Variants in SLC25A21 observed in about 807,000 individuals in gnomAD.
SLC25A21 encodes solute carrier family 25 member 21.
Under a neutral mutation model 43.8 loss-of-function variants are expected in SLC25A21, and 47 were observed. The observed-to-expected ratio is 1.07, with a 90% CI of 0.85 to 1.37. SLC25A21 has a LOEUF of 1.37. Ranked by LOEUF, SLC25A21 falls within the 40% of genes most tolerant of loss-of-function variation. The pLI is 0.00. For missense variants in SLC25A21, 352 were observed against 350.2 expected (o/e 1.00, Z -0.04); for synonymous variants, 131 against 121.3 (o/e 1.08, Z -0.52).
In SLC25A21 at chr14:36,813,918, C is replaced by A. The variant is rs141677993; in HGVS notation, c.203G>T (p.Gly68Val). The change falls in exon 3 of 10, where the codon GGG becomes GTG. Residue 68 changes from glycine to valine, a missense_variant and splice_region_variant. Physicochemically the swap from Gly to Val is moderately radical, Grantham distance 109. Coordinates refer to ENST00000331299, the MANE Select transcript of SLC25A21 (RefSeq NM_030631.4). ...DSFRMIFQME[G>V]LFGFYKGILP... Reference sequence around the variant, plus strand: ...ATGGCTATATGAAGAATATACATACCCTTCCATTTGGAAAATCATTCGAAA... The same window carrying A: ...ATGGCTATATGAAGAATATACATACACTTCCATTTGGAAAATCATTCGAAA... The A allele has an allele frequency of 5.1e-6, 8 of 1,576,860 alleles. No homozygotes were observed. Among genetic ancestry groups the A allele is most frequent in the Non-Finnish European group, 6.9e-6 (8 of 1,151,294 alleles).
intron 1 of SLC25A21, among the ~76,000 whole-genome samples, chr14:37,113,955 T>C (rs577585457): frequency 1.2e-4 from 18 of 152,314 alleles, no homozygotes; most frequent in Non-Finnish European, 2.1e-4. Flanking sequence ...AAGCTATTTT[T>C]GAGTCTACCA....
intron 1 of SLC25A21, among the ~76,000 whole-genome samples, chr14:37,015,087 A>T (rs568054298): frequency 6.6e-6 from 1 of 152,050 alleles, no homozygotes; most frequent in Non-Finnish European, 1.5e-5. Context: ...CATGTGCACA[A>T]CGTGCAGGTT....
intron 1 of SLC25A21, among the ~76,000 whole-genome samples, chr14:37,072,275 A>G (rs538709469): frequency 6.6e-6 from 1 of 152,192 alleles, no homozygotes; most frequent in South Asian, 2.1e-4. Context: ...TCAATCTCAA[A>G]TTCTGAGAGG....
chr14:36,983,445 C>A (rs1960075477), intron 1 of SLC25A21, among the ~76,000 whole-genome samples: 1 of 137,784 alleles, frequency 7.3e-6, no homozygotes, highest in African/African-American at 3.1e-5. Flanking sequence ...GAAGCTTCTA[C>A]TTTTCTTACC....
intron 1 of SLC25A21, among the ~76,000 whole-genome samples, chr14:36,924,558 G>T (rs1482270023): frequency 6.6e-6 from 1 of 152,020 alleles, no homozygotes; most frequent in Admixed American, 6.6e-5. Flanking sequence ...GATAGCATTA[G>T]GAGATATACC....
intron 1 of SLC25A21, among the ~76,000 whole-genome samples, chr14:36,955,558 C>T (rs1286767491): frequency 6.6e-6 from 1 of 152,086 alleles, no homozygotes; most frequent in East Asian, 1.9e-4. Flanking sequence ...GCCACAGGCA[C>T]TGCTAGTAGC....
At chr14:36,887,389 C>T (rs1322872012) in intron 1 of SLC25A21, among the ~76,000 whole-genome samples, 4 of 151,812 alleles carry the variant, frequency 2.6e-5, no homozygotes, top group Admixed American at 2.6e-4. Flanking sequence ...ATGGTGAAAT[C>T]CCATCTCTAC....
chr14:36,720,318 A>G (rs1389956183), intron 6 of SLC25A21, among the ~76,000 whole-genome samples: 1 of 152,216 alleles, frequency 6.6e-6, no homozygotes, highest in East Asian at 1.9e-4. Context: ...TTTCATGTCT[A>G]AAAGACCCCA....
At chr14:37,029,291 G>A (rs2138765354) in intron 1 of SLC25A21, among the ~76,000 whole-genome samples, 1 of 152,270 alleles carries the variant, frequency 6.6e-6, no homozygotes, top group South Asian at 2.1e-4. Flanking sequence ...TAGAGCACAT[G>A]AAGCCAGTCT....
chr14:36,840,133 C>T (rs1414589548), intron 2 of SLC25A21, among the ~76,000 whole-genome samples: 1 of 152,228 alleles, frequency 6.6e-6, no homozygotes, highest in Middle Eastern at 3.4e-3. Flanking sequence ...GAACTAACTC[C>T]CGGAGAACAT....
At chr14:37,054,993 T>G (rs1006021610) in intron 1 of SLC25A21, among the ~76,000 whole-genome samples, 1 of 152,192 alleles carries the variant, frequency 6.6e-6, no homozygotes, top group African/African-American at 2.4e-5. Context: ...AACCAGTGAC[T>G]TCTGCCCAGC....
At chr14:36,926,277 A>C (rs560946537) in intron 1 of SLC25A21, among the ~76,000 whole-genome samples, 1 of 152,218 alleles carries the variant, frequency 6.6e-6, no homozygotes, top group Non-Finnish European at 1.5e-5. Context: ...CCAAAGAATA[A>C]ATCATAGTGG....
At chr14:36,979,490 T>C (rs1364074853) in intron 1 of SLC25A21, among the ~76,000 whole-genome samples, 1 of 151,982 alleles carries the variant, frequency 6.6e-6, no homozygotes, top group Admixed American at 6.6e-5. Flanking sequence ...CAAGTAGCTG[T>C]GACTACCGGT....
intron 1 of SLC25A21, among the ~76,000 whole-genome samples, chr14:37,115,726 G>A (rs1488987483): frequency 6.6e-6 from 1 of 152,108 alleles, no homozygotes; most frequent in Admixed American, 6.5e-5. Context: ...TATTCACAAG[G>A]CTAAAATACT....
chr14:37,147,653 A>G (rs897882954), intron 1 of SLC25A21, among the ~76,000 whole-genome samples: 3 of 151,068 alleles, frequency 2.0e-5, no homozygotes, highest in African/African-American at 7.3e-5. Flanking sequence ...TTTTTTTAAA[A>G]AAAAGGAAGA....
At chr14:36,825,328 C>T (rs563167245) in intron 2 of SLC25A21, among the ~76,000 whole-genome samples, 35 of 152,250 alleles carry the variant, frequency 2.3e-4, no homozygotes, top group Non-Finnish European at 4.9e-4. Context: ...ATGTCATGAA[C>T]GCATACTCAA....
chr14:36,708,907 G>A (rs1883703249), intron 7 of SLC25A21, among the ~76,000 whole-genome samples: 1 of 151,806 alleles, frequency 6.6e-6, no homozygotes, highest in Non-Finnish European at 1.5e-5. Context: ...AAACAATTGA[G>A]AACATTTAAT....
chr14:37,093,261 A>T (rs146262383), intron 1 of SLC25A21, among the ~76,000 whole-genome samples: 1 of 152,342 alleles, frequency 6.6e-6, no homozygotes, highest in East Asian at 1.9e-4. Context: ...TAGTTTATCA[A>T]ATAAAATTAC....
At chr14:37,132,445 A>C (rs1181911743) in intron 1 of SLC25A21, among the ~76,000 whole-genome samples, 2 of 152,140 alleles carry the variant, frequency 1.3e-5, no homozygotes, top group Non-Finnish European at 2.9e-5. Context: ...GTCTGAAAAA[A>C]CAGGCCAAGA....
Sources: gnomAD v4.1 joint callset for allele counts (sites outside exome capture counted in the v4.1 genomes callset) on GRCh38, gnomAD v4.1.1 for gene constraint, MANE v1.5 for transcripts, NCBI Gene and HGNC (gene_info 2026-07-23, HGNC 2026-07-21) for gene names.